PATZ1: variants seen among roughly 807,000 people sequenced by gnomAD.
PATZ1 encodes POZ/BTB and AT hook containing zinc finger 1.
PATZ1 carries 9 observed loss-of-function variants against 46.2 expected under a neutral mutation model. The observed-to-expected ratio is 0.19, with a 90% confidence interval of 0.12 to 0.34. The LOEUF is 0.34. PATZ1 is among the 10% of genes least tolerant of loss of function. The pLI is 1.00. For synonymous variants in PATZ1, 426 were observed against 378.6 expected (o/e 1.13, Z -1.45); for missense variants, 632 against 923.0 (o/e 0.68, Z 4.08).
At position 31,328,638 on chromosome 22, in the gene PATZ1, T is replaced by A; in HGVS notation, c.1645+149A>T. 1 of 691,810 alleles carries A rather than the reference T, an allele frequency of 1.4e-6. No homozygotes were observed. Among genetic ancestry groups the A allele is most frequent in the Non-Finnish European group, 2.5e-6 (1 of 393,130 alleles). 42.9% of individuals were successfully genotyped at this position (691,810 alleles called of 1,614,324 possible). A position where few individuals can be genotyped will look rare whatever the true frequency, so the allele number is the denominator to read the frequency against. The stretch of plus-strand genomic sequence containing the variant: ...TGGAGTGAGATACCCACTGTGACTT[T>A]TGTCCTGGAGGCCACTGCCACTCAG... On this transcript the variant is annotated intron_variant, in intron 4 of 4. Transcript: ENST00000266269. The surrounding 1 kb of genome is among the most constrained non-coding windows in gnomAD (Gnocchi z 4.8).
chr22:31,330,124 T>TA (rs933659926), intron 3 of PATZ1, among the ~76,000 whole-genome samples: 1 of 152,194 alleles, frequency 6.6e-6, no homozygotes, highest in Non-Finnish European at 1.5e-5. Flanking sequence ...AGATTTGTTT[T>TA]AAAAAAGTCT....
In PATZ1 at chr22:31,326,880, C is replaced by G. The variant is rs751644130; in HGVS notation, c.*11G>C. 1 of 1,604,342 alleles carries G rather than the reference C, an allele frequency of 6.2e-7. No individual in the cohort carries two copies. Among genetic ancestry groups the G allele is most frequent in the South Asian group, 1.1e-5 (1 of 90,004 alleles). ...CCAGATGGTTGTTTCCGTGGGGACA[C>G]AGCAGCTGCCTCATTTCCCTTCAGG... On this transcript the variant is annotated 3_prime_UTR_variant, in exon 5 of 5. Coordinates refer to ENST00000266269, the MANE Select transcript of PATZ1 (RefSeq NM_014323.3).
chr22:31,342,721 G>A (rs1022789620), intron 2 of PATZ1, among the ~76,000 whole-genome samples, 176 bp downstream of exon 2: 1 of 152,200 alleles, frequency 6.6e-6, no homozygotes, highest in African/African-American at 2.4e-5. Flanking sequence ...GGGGAAGGGG[G>A]CCTGGGGGAA....
chr22:31,344,941 G>T lies in PATZ1; in HGVS notation c.662C>A (p.Ala221Glu), dbSNP rs770898996. ...TAACACAGGCAAAGAGGCTTGGCCT[G>T]CAATGGCTGCACCAGCCGCCCGAGC... ...EAARAAGAAIAGQASLPVLPG... is the reference protein window; with the variant it reads ...EAARAAGAAIEGQASLPVLPG... The change falls in exon 1 of 5, where the codon GCA (alanine) becomes GAA (glutamate). Residue 221 changes from alanine (A) to glutamate (E), a missense_variant. Ala to Glu is a moderately radical substitution (Grantham distance 107). Transcript: ENST00000266269. 1.2e-5 allele frequency: 20 copies of T among 1,613,578 alleles called. No individual in the cohort carries two copies. In the African/African-American group the frequency reaches 1.9e-4, roughly 15 times the overall value.
intron 2 of PATZ1, among the ~76,000 whole-genome samples, chr22:31,338,835 T>G (rs1051903130): frequency 6.6e-6 from 1 of 152,070 alleles, no homozygotes; most frequent in Non-Finnish European, 1.5e-5. Context: ...GATCACAATG[T>G]CAGAAGTTTG....
chr22:31,334,203 A>C (rs28716), intron 3 of PATZ1, among the ~76,000 whole-genome samples: 94,068 of 152,122 alleles, frequency 0.62, 30,879 homozygotes, highest in East Asian at 0.93. Flanking sequence ...AGGGCTGGGG[A>C]AGCCCCAGTC....
intron 2 of PATZ1, among the ~76,000 whole-genome samples, chr22:31,338,245 G>T (rs2049536445): frequency 6.6e-6 from 1 of 152,174 alleles, no homozygotes; most frequent in African/African-American, 2.4e-5. Context: ...GGCCAGTGGA[G>T]GCCGTGAGAG....
chr22:31,339,303 C>T (rs1016979011), intron 2 of PATZ1, among the ~76,000 whole-genome samples: 6 of 152,196 alleles, frequency 3.9e-5, no homozygotes, highest in Non-Finnish European at 4.4e-5. Context: ...ACATGACAAA[C>T]GCTTTCCCTG....
intron 2 of PATZ1, chr22:31,337,797 G>C (rs2145822035): frequency 6.6e-6 from 1 of 152,308 alleles, no homozygotes; most frequent in African/African-American, 2.4e-5. Flanking sequence ...CACATCCTGA[G>C]AACCTGAGAG....
rs1234042317 is a variant in PATZ1 at position 31,328,009 on chromosome 22, C to T, written c.1646-700G>A. ...CAAGAGACAACCCTGGCTGCTCTGC[C>T]TTGCCCGGCCCACACTGGAGTCCTC... is the stretch of plus-strand genomic sequence containing the variant. On this transcript the variant is annotated intron_variant, in intron 4 of 4. Transcript: ENST00000266269. The surrounding 1 kb of genome is among the most constrained non-coding windows in gnomAD (Gnocchi z 4.8). Among the ~76,000 whole-genome samples, 1 of 152,226 alleles carries T rather than the reference C, an allele frequency of 6.6e-6. No homozygotes were observed. Among genetic ancestry groups the T allele is most frequent in the Non-Finnish European group, 1.5e-5 (1 of 68,046 alleles).
chr22:31,339,602 A>C (rs2049554673), intron 2 of PATZ1, among the ~76,000 whole-genome samples: 1 of 152,230 alleles, frequency 6.6e-6, no homozygotes. Flanking sequence ...TGATGGGAAG[A>C]GAGTGAGCCA....
In PATZ1 at chr22:31,344,633, T is replaced by C. The variant is rs2049625173; in HGVS notation, c.970A>G (p.Ile324Val). 5.0e-6 allele frequency: 8 copies of C among 1,614,080 alleles called. 1 individual carries two copies. In the East Asian group the frequency reaches 1.8e-4, roughly 36 times the overall value. The change falls in exon 1 of 5, where the codon ATC becomes GTC. Residue 324 changes from isoleucine (I) to valine (V), a missense_variant. Ile to Val is a conservative substitution (Grantham distance 29). Coordinates refer to ENST00000266269, the MANE Select transcript of PATZ1 (RefSeq NM_014323.3). ...CCCAGCCTCGGAGGAGGAAGGTCGA[T>C]GTAGCCCAGCTGGAGGCTGGTGACA... ...HGVTSLQLGY[I>V]DLPPPRLGEN...
rs766193877 is a variant in PATZ1 at position 31,326,081 on chromosome 22, C to T, written c.*810G>A. 1 of 219,322 alleles carries T rather than the reference C, an allele frequency of 4.6e-6. No individual in the cohort carries two copies. The highest frequency in any genetic ancestry group is 9.2e-6 in the Non-Finnish European group (1 of 109,140). 13.6% of individuals were successfully genotyped at this position (219,322 alleles called of 1,614,324 possible). A position where few individuals can be genotyped will look rare whatever the true frequency, so the allele number is the denominator to read the frequency against. ...CATCTAAACAAAGTTTAATACTAAC[C>T]CTAATGTGTGACTGCGGTTTACAAA... is the stretch of plus-strand genomic sequence containing the variant. On this transcript the variant is annotated 3_prime_UTR_variant, in exon 5 of 5. Transcript: ENST00000266269.
chr22:31,329,785 C>T (rs2049415384), intron 3 of PATZ1, among the ~76,000 whole-genome samples: 1 of 152,178 alleles, frequency 6.6e-6, no homozygotes, highest in Admixed American at 6.5e-5. Context: ...GGCCAACTTC[C>T]ACAGCAGCCA....
intron 3 of PATZ1, among the ~76,000 whole-genome samples, chr22:31,330,798 T>C (rs892538749): frequency 1.3e-5 from 2 of 152,230 alleles, no homozygotes; most frequent in Admixed American, 6.5e-5. Flanking sequence ...GCCCTAGAAA[T>C]ATCCAGTGGA....
rs1601502420 is a variant in PATZ1 at position 31,346,177 on chromosome 22, C to G, written c.-575G>C. The G allele has an allele frequency of 2.7e-5, 4 of 147,492 alleles. No individual in the cohort carries two copies. In the South Asian group the frequency reaches 7.1e-4, roughly 26 times the overall value. 9.1% of individuals were successfully genotyped at this position (147,492 alleles called of 1,614,324 possible). ...GGCGGGGCGCGCACGGGGGCGGTGG[C>G]GCGGGCCGGGTCCCGGAGCCTGGAG... On this transcript the variant is annotated 5_prime_UTR_variant, in exon 1 of 5. Coordinates refer to ENST00000266269, the MANE Select transcript of PATZ1 (RefSeq NM_014323.3).
chr22:31,344,193 A>T, intron 1 of PATZ1, 139 bp downstream of exon 1: 1 of 782,994 alleles, frequency 1.3e-6, no homozygotes, highest in Non-Finnish European at 2.0e-6. Flanking sequence ...AAGGGCCCTT[A>T]AAAACACTCT....
In PATZ1 at chr22:31,327,261, T is replaced by G. The variant is rs765537425; in HGVS notation, c.1694A>C (p.Tyr565Ser). Residue 565 changes from tyrosine to serine, a missense_variant, in exon 5 of 5, where the codon TAT (tyrosine) becomes TCT (serine). Physicochemically the swap from Tyr to Ser is moderately radical, Grantham distance 144 (BLOSUM62 -2). Transcript: ENST00000266269. This position sits in a 1 kb window ranked among gnomAD's most constrained non-coding sequence, Gnocchi z 4.2. ...GTCGCTGGCATCTGAGAGGTCACCA[T>G]AGGAGTCAGAGCTCTCAATCGGATC... ...HQDPIESSDS[Y>S]GDLSDASDLK... 1 of 1,614,080 alleles carries G rather than the reference T, an allele frequency of 6.2e-7. No homozygotes were observed. Among genetic ancestry groups the G allele is most frequent in the Non-Finnish European group, 8.5e-7 (1 of 1,180,048 alleles).
chr22:31,343,164 G>A (rs1049286605), intron 1 of PATZ1: 13 of 1,310,522 alleles, frequency 9.9e-6, no homozygotes, highest in East Asian at 3.1e-5. Flanking sequence ...TTCTCTGGAG[G>A]GGGGAAGAGA....
Sources: allele counts gnomAD v4.1 joint callset (sites outside exome capture counted in the v4.1 genomes callset), GRCh38; gene constraint gnomAD v4.1.1; non-coding constraint Gnocchi (gnomAD v3.1); transcripts MANE v1.5; gene names NCBI Gene and HGNC (gene_info 2026-07-23, HGNC 2026-07-21).